PCDHA5: variants seen among roughly 807,000 people sequenced by gnomAD.
The protein encoded by PCDHA5 is protocadherin alpha-5.
A neutral mutation model predicts 61.6 loss-of-function variants in PCDHA5; 43 were observed. That is an observed-to-expected ratio of 0.70 (90% CI 0.55 to 0.90). The LOEUF is 0.90. PCDHA5 is among the 40% of genes least tolerant of loss of function. PCDHA5 has a pLI of 0.00. For synonymous variants in PCDHA5, 627 were observed against 543.9 expected (o/e 1.15, Z -2.13); for missense variants, 1,298 against 1,222.7 (o/e 1.06, Z -0.92).
chr5:140,863,266 G>T, intron 1 of PCDHA5: 2 of 1,458,576 alleles, frequency 1.4e-6, no homozygotes, highest in Non-Finnish European at 1.9e-6. Context: ...CCGGGAGGCA[G>T]CGCTGGTGGA....
At chr5:140,829,237 C>A (rs782289656) in intron 1 of PCDHA5, 1 of 1,614,266 alleles carries the variant, frequency 6.2e-7, no homozygotes, top group Non-Finnish European at 8.5e-7. Flanking sequence ...CAGGTGCCAA[C>A]GGGCAGGTGA....
Position 140,822,283 on chromosome 5 carries a change from A to G in PCDHA5, c.508A>G (p.Arg170Gly), listed in dbSNP as rs1767257556. ...DIGANAQLRY[R>G]LNPNEYFDLD... ...TGGAGCAAATGCACAATTGAGATACAGGTTAAATCCAAACGAATATTTTGA... is the reference window on the plus strand; with the variant it reads ...TGGAGCAAATGCACAATTGAGATACGGGTTAAATCCAAACGAATATTTTGA... The change falls in exon 1 of 4, where the codon AGG becomes GGG. Residue 170 changes from arginine (R) to glycine (G), a missense_variant. Transcript: ENST00000529859. 1 of 1,614,254 alleles carries G rather than the reference A, an allele frequency of 6.2e-7. No homozygotes were observed. The highest frequency in any genetic ancestry group is 8.5e-7 in the Non-Finnish European group (1 of 1,180,048).
At chr5:140,848,923 C>G (rs1554142574) in intron 1 of PCDHA5, 1 of 1,607,740 alleles carries the variant, frequency 6.2e-7, no homozygotes, top group Middle Eastern at 1.7e-4. Context: ...CTGTTCATCG[C>G]GGAATCCAGG....
intron 1 of PCDHA5, among the ~76,000 whole-genome samples, chr5:140,924,643 C>G (rs2081929149): frequency 1.3e-5 from 2 of 152,196 alleles, no homozygotes; most frequent in Admixed American, 1.3e-4. Flanking sequence ...ACCTGTAATC[C>G]CAGCACTTTG....
At chr5:140,824,707 G>C (rs1444477681) in intron 1 of PCDHA5, 1 of 138,454 alleles carries the variant, frequency 7.2e-6, no homozygotes, top group East Asian at 2.3e-4. Flanking sequence ...CCATGCTCCC[G>C]TCTCAGCCTC....
intron 1 of PCDHA5, among the ~76,000 whole-genome samples, chr5:140,920,101 G>A (rs880001163): frequency 2.0e-5 from 3 of 152,180 alleles, no homozygotes; most frequent in African/African-American, 7.2e-5. Flanking sequence ...TCTAAAGGGA[G>A]TGCAACCTTG....
chr5:140,929,927 G>A (rs2086481303), intron 1 of PCDHA5: 1 of 152,202 alleles, frequency 6.6e-6, no homozygotes, highest in Non-Finnish European at 1.5e-5. Flanking sequence ...ATAAAAAACA[G>A]TGTATTCTCT....
rs782580460 is a variant in PCDHA5, at chr5:140,875,923, C to T, written c.2352+51796C>T. 1.2e-5 allele frequency: 20 copies of T among 1,614,184 alleles called. 1 individual carries two copies. The South Asian group carries it at 2.1e-4, about 17-fold the overall frequency. On this transcript the variant is annotated intron_variant, in intron 1 of 3. Coordinates refer to ENST00000529859, the MANE Select transcript of PCDHA5 (RefSeq NM_018908.3). ...TTCTGAATCTGCGCCTCTGGACTCT[C>T]ATTTTCCTCTAGAGGGCGCTTCTGA...
intron 1 of PCDHA5, chr5:140,927,062 T>C: frequency 6.2e-7 from 1 of 1,611,326 alleles, no homozygotes; most frequent in Non-Finnish European, 8.5e-7. Flanking sequence ...AACTTTCGCT[T>C]CCTTTCCAGC....
chr5:140,894,886 G>T (rs2153448289), intron 1 of PCDHA5, among the ~76,000 whole-genome samples: 1 of 152,202 alleles, frequency 6.6e-6, no homozygotes, highest in South Asian at 2.1e-4. Flanking sequence ...AGAAGAAACA[G>T]ACCAGGATAA....
rs2150241896 is a variant in PCDHA5 at position 140,835,685 on chromosome 5, T to A, written c.2352+11558T>A. ...CCGCGCGGGACGGGGGCTCGCCTTC[T>A]CTGTGGGCCACTGCTAGCGTGTCCG... On this transcript the variant is annotated intron_variant, in intron 1 of 3. Transcript: ENST00000529859. 6.8e-6 allele frequency: 11 copies of A among 1,613,764 alleles called. No individual in the cohort carries two copies. The East Asian group carries it at 1.8e-4, about 26-fold the overall frequency.
intron 1 of PCDHA5, among the ~76,000 whole-genome samples, chr5:140,938,510 A>G (rs2092097687): frequency 6.6e-6 from 1 of 151,662 alleles, no homozygotes; most frequent in Non-Finnish European, 1.5e-5. Context: ...TTTATCACAT[A>G]TTTTCTGTTA....
At position 140,823,290 on chromosome 5, in the gene PCDHA5, T is replaced by C. The variant is rs1767640734; in HGVS notation, c.1515T>C (p.Ser505=). Residue 505 remains serine, a synonymous_variant, in exon 1 of 4, where the codon AGT becomes AGC. Coordinates refer to ENST00000529859, the MANE Select transcript of PCDHA5 (RefSeq NM_018908.3). ...ERRVGERPLS[S]YVSVHAESGK... ...GGGTGGGCGAGCGCCCGCTGTCGAGTTACGTTTCGGTGCACGCGGAGAGCG... is the reference window on the plus strand; with the variant it reads ...GGGTGGGCGAGCGCCCGCTGTCGAGCTACGTTTCGGTGCACGCGGAGAGCG... 9.9e-6 allele frequency: 16 copies of C among 1,611,998 alleles called. No homozygotes were observed. The highest frequency in any genetic ancestry group is 1.2e-5 in the Non-Finnish European group (14 of 1,179,646).
At chr5:140,943,356 A>G (rs965090658) in intron 1 of PCDHA5, among the ~76,000 whole-genome samples, 2 of 152,014 alleles carry the variant, frequency 1.3e-5, no homozygotes, top group Non-Finnish European at 2.9e-5. Flanking sequence ...GAGTAGAGGA[A>G]AGGAGATCAT....
At chr5:140,829,392 C>A in intron 1 of PCDHA5, 1 of 1,614,160 alleles carries the variant, frequency 6.2e-7, no homozygotes, top group Non-Finnish European at 8.5e-7. Flanking sequence ...GGCTCGCCTT[C>A]GCTGTGGGCC....
intron 1 of PCDHA5, chr5:140,929,229 C>T: frequency 6.2e-7 from 1 of 1,613,880 alleles, no homozygotes; most frequent in South Asian, 1.1e-5. Context: ...ATGCTGCCGA[C>T]CTGCGAAATC....
rs2150127408 is a variant in PCDHA5 at position 140,823,612 on chromosome 5, G to A, written c.1837G>A (p.Ala613Thr). The A allele has an allele frequency of 1.3e-5, 21 of 1,614,042 alleles. No individual in the cohort carries two copies. The highest frequency in any genetic ancestry group is 1.7e-4 in the Middle Eastern group (1 of 6,046). ...NAWLSYELQPAPGSARIPFRV... is the reference protein window; with the variant it reads ...NAWLSYELQPTPGSARIPFRV... The stretch of plus-strand genomic sequence containing the variant: ...TTGGCTTTCGTATGAGCTGCAGCCA[G>A]CGCCTGGCAGTGCGCGCATCCCGTT... The change falls in exon 1 of 4, where the codon GCG (alanine) becomes ACG (threonine). Residue 613 changes from alanine (A) to threonine (T), a missense_variant. Coordinates refer to ENST00000529859, the MANE Select transcript of PCDHA5 (RefSeq NM_018908.3).
chr5:140,835,795 G>GC, intron 1 of PCDHA5: 1 of 1,613,068 alleles, frequency 6.2e-7, no homozygotes, highest in Admixed American at 1.7e-5. Flanking sequence ...AACCCGCCGG[G>GC]CTGCCACATC....
chr5:140,893,667 A>C (rs564806011), intron 1 of PCDHA5, among the ~76,000 whole-genome samples: 4 of 152,316 alleles, frequency 2.6e-5, no homozygotes, highest in African/African-American at 9.6e-5. Flanking sequence ...AAAAAATTTC[A>C]GCACTTTGGA....
Sources: gnomAD v4.1 joint callset for allele counts (sites outside exome capture counted in the v4.1 genomes callset) on GRCh38, gnomAD v4.1.1 for gene constraint, MANE v1.5 for transcripts, NCBI Gene and HGNC (gene_info 2026-07-23, HGNC 2026-07-21) for gene names.